Variants in IGSF21 observed in about 807,000 individuals in gnomAD.
IGSF21 encodes the protein immunoglobulin superfamily member 21.
In IGSF21, 28 loss-of-function variants were observed where a neutral mutation model predicts 46.8. The ratio of observed to expected loss-of-function variants is 0.60; its 90% CI spans 0.44 to 0.82. The LOEUF is 0.82. Ranked by LOEUF, IGSF21 falls within the 40% of genes least tolerant of loss-of-function variation. IGSF21 has a pLI of 0.00. For synonymous variants in IGSF21, 284 were observed against 273.6 expected, an observed-to-expected ratio of 1.04 and a Z score of -0.38; for missense variants, 624 against 665.5, an observed-to-expected ratio of 0.94 and a Z score of 0.69.
At chr1:18,258,478 G>A (rs2084912395) in intron 2 of IGSF21, among the ~76,000 whole-genome samples, 1 of 152,268 alleles carries the variant, frequency 6.6e-6, no homozygotes, top group South Asian at 2.1e-4. Context: ...GACTGGATTG[G>A]GAGTCAGGAA....
chr1:18,369,641 G>A (rs12125819), intron 6 of IGSF21, among the ~76,000 whole-genome samples: 18,817 of 152,210 alleles, frequency 0.12, 1,231 homozygotes, highest in East Asian at 0.23. Context: ...GGGTGAGACA[G>A]TGGGACGGAT....
chr1:18,325,533 T>G (rs894748382), intron 3 of IGSF21, among the ~76,000 whole-genome samples: 5 of 152,174 alleles, frequency 3.3e-5, no homozygotes, highest in Non-Finnish European at 7.4e-5. Flanking sequence ...CTCTTTCCTA[T>G]GTGGCTGGGG....
At chr1:18,281,120 C>CAAAT (rs1553160373) in intron 2 of IGSF21, among the ~76,000 whole-genome samples, 1 of 110,736 alleles carries the variant, frequency 9.0e-6, no homozygotes, top group Non-Finnish European at 2.2e-5. Flanking sequence ...AAGAAATGAA[C>CAAAT]GAATGAATGA....
chr1:18,233,016 C>T (rs1028672511), intron 2 of IGSF21, among the ~76,000 whole-genome samples: 6 of 152,156 alleles, frequency 3.9e-5, no homozygotes, highest in African/African-American at 1.2e-4. Context: ...CAGGCAAAGC[C>T]GAAGGTCTGT....
intron 2 of IGSF21, among the ~76,000 whole-genome samples, chr1:18,271,949 C>T (rs1196159336): frequency 6.6e-6 from 1 of 151,928 alleles, no homozygotes; most frequent in Non-Finnish European, 1.5e-5. Flanking sequence ...ATGGTCATAG[C>T]CTGAGTTCCA....
In IGSF21 at chr1:18,108,123, G is replaced by A. The variant is rs2086108655; in HGVS notation, c.-6G>A. ...GCCCCGCCACCGCCGCCAGCTCCCG[G>A]GCACCATGCGAACCGCCCCGAGCCT... is the stretch of plus-strand genomic sequence containing the variant. On this transcript the variant is annotated 5_prime_UTR_variant, in exon 1 of 10. Coordinates refer to ENST00000251296, the MANE Select transcript of IGSF21 (RefSeq NM_032880.5). 1 of 1,374,378 alleles carries A rather than the reference G, an allele frequency of 7.3e-7. No homozygotes were observed. The highest frequency in any genetic ancestry group is 9.6e-7 in the Non-Finnish European group (1 of 1,045,650). 85.1% of individuals were successfully genotyped at this position (1,374,378 alleles called of 1,614,324 possible).
intron 2 of IGSF21, among the ~76,000 whole-genome samples, chr1:18,254,874 C>G (rs2084875923): frequency 6.6e-6 from 1 of 152,094 alleles, no homozygotes; most frequent in Non-Finnish European, 1.5e-5. Flanking sequence ...ATCCATCCAT[C>G]CATCCATCCA....
At chr1:18,321,217 CAGA>C (rs1462816699) in intron 3 of IGSF21, among the ~76,000 whole-genome samples, 1 of 152,158 alleles carries the variant, frequency 6.6e-6, no homozygotes, top group African/African-American at 2.4e-5. Context: ...CCTTGGTCAC[CAGA>C]AGCAGAGGCA....
intron 1 of IGSF21, among the ~76,000 whole-genome samples, chr1:18,149,162 C>T (rs2086498039): frequency 6.6e-6 from 1 of 151,290 alleles, no homozygotes; most frequent in South Asian, 2.1e-4. Context: ...TGTGCCTGAG[C>T]CCCTCTGTCC....
intron 2 of IGSF21, among the ~76,000 whole-genome samples, chr1:18,241,231 C>T (rs1316761069): frequency 6.6e-6 from 1 of 152,204 alleles, no homozygotes; most frequent in Non-Finnish European, 1.5e-5. Flanking sequence ...CTGCTTTAAA[C>T]ACATCAGTGA....
chr1:18,196,246 C>T (rs952311341), intron 1 of IGSF21, among the ~76,000 whole-genome samples: 5 of 152,056 alleles, frequency 3.3e-5, no homozygotes, highest in East Asian at 1.9e-4. Context: ...TTATAATCCC[C>T]GAGAAAGATG....
At chr1:18,356,525 G>T (rs2086020496) in intron 4 of IGSF21, among the ~76,000 whole-genome samples, 1 of 152,196 alleles carries the variant, frequency 6.6e-6, no homozygotes. Context: ...TGCTCATTCT[G>T]TTACCTGACT....
chr1:18,273,039 C>CTTTTTT lies in IGSF21; in HGVS notation c.184-18807_184-18802dup, dbSNP rs760448516. Among the ~76,000 whole-genome samples the CTTTTTT allele has an allele frequency of 8.2e-4, 66 of 80,714 alleles. 3 individuals are homozygous for CTTTTTT. Among genetic ancestry groups the CTTTTTT allele is most frequent in the African/African-American group, 3.1e-3 (58 of 18,698 alleles). 53.0% of individuals were successfully genotyped at this position (80,714 alleles called of 152,430 possible). On this transcript the variant is annotated intron_variant, in intron 2 of 9. Transcript: ENST00000251296. The stretch of plus-strand genomic sequence containing the variant: ...CTTCTCCACTAGCAGCCAGACGGAT[C>CTTTTTT]TTTTTTTTTTTTTTTTTTTTTTTTT...
intron 1 of IGSF21, among the ~76,000 whole-genome samples, chr1:18,119,502 G>A (rs1297872502): frequency 6.6e-6 from 1 of 152,338 alleles, no homozygotes; most frequent in East Asian, 1.9e-4. Context: ...GACAGCACTG[G>A]TCTAGGACAA....
chr1:18,198,682 AAGAGAGAG>A (rs140460868), intron 1 of IGSF21, among the ~76,000 whole-genome samples: 3 of 149,848 alleles, frequency 2.0e-5, no homozygotes, highest in Admixed American at 6.6e-5. Flanking sequence ...GTATGGGATC[AAGAGAGAG>A]AGAGAGAGCA....
intron 1 of IGSF21, among the ~76,000 whole-genome samples, chr1:18,221,058 T>TCAC (rs1360599166): frequency 6.7e-6 from 1 of 149,606 alleles, no homozygotes; most frequent in African/African-American, 2.4e-5. Context: ...GCATACTTTG[T>TCAC]CACCACCACC....
rs529619934 is a variant in IGSF21 at position 18,343,584 on chromosome 1, A to G, written c.424+8574A>G. ...GAGTTTGTATAGTTTTAGCTCTTACAGTTAAGTTGATGATGCATTTCAAGT... is the reference window on the plus strand; with the variant it reads ...GAGTTTGTATAGTTTTAGCTCTTACGGTTAAGTTGATGATGCATTTCAAGT... On this transcript the variant is annotated intron_variant, in intron 4 of 9. Transcript: ENST00000251296. Among the ~76,000 whole-genome samples, 149 of 152,296 alleles carry G rather than the reference A, an allele frequency of 9.8e-4. 3 individuals are homozygous for G. The highest frequency in any genetic ancestry group is 9.7e-3 in the Admixed American group (148 of 15,294).
chr1:18,272,034 A>C lies in IGSF21; in HGVS notation c.184-19832A>C, dbSNP rs1388193535. On this transcript the variant is annotated intron_variant, in intron 2 of 9. Transcript: ENST00000251296. Reference sequence around the variant, plus strand: ...GACTGGGTAATTTATAAAGAAAAAGAGGTTTAATGGACTCACAGTTTCACG... The same window carrying C: ...GACTGGGTAATTTATAAAGAAAAAGCGGTTTAATGGACTCACAGTTTCACG... Among the ~76,000 whole-genome samples, 3 of 151,886 alleles carry C rather than the reference A, an allele frequency of 2.0e-5. No individual in the cohort carries two copies. In the East Asian group the frequency reaches 5.8e-4, roughly 29 times the overall value.
intron 1 of IGSF21, among the ~76,000 whole-genome samples, chr1:18,148,285 C>T (rs905269265): frequency 6.6e-5 from 10 of 152,102 alleles, no homozygotes; most frequent in African/African-American, 2.4e-4. Flanking sequence ...CGCCCACCAC[C>T]ATGCCCAGCT....
Sources: gnomAD v4.1 joint callset for allele counts (sites outside exome capture counted in the v4.1 genomes callset) on GRCh38, gnomAD v4.1.1 for gene constraint, MANE v1.5 for transcripts, NCBI Gene and HGNC (gene_info 2026-07-23, HGNC 2026-07-21) for gene names.